Variants in PRDM5 observed in about 807,000 individuals in gnomAD.
PRDM5 encodes the protein PR/SET domain 5.
Under a neutral mutation model 81.2 loss-of-function variants are expected in PRDM5, and 56 were observed. The ratio of observed to expected loss-of-function variants is 0.69; its 90% CI spans 0.56 to 0.86. PRDM5 has a LOEUF of 0.86. Among genes scored for constraint, PRDM5 ranks in the 40% least tolerant of loss-of-function variants. The pLI, the probability that PRDM5 is intolerant of heterozygous loss-of-function variation, is 0.00. For missense variants in PRDM5, 697 were observed against 770.1 expected (o/e 0.91, Z 1.12); for synonymous variants, 267 against 256.4 (o/e 1.04, Z -0.39).
chr4:120,844,782 G>A (rs1283179400), intron 3 of PRDM5, among the ~76,000 whole-genome samples: 3 of 152,260 alleles, frequency 2.0e-5, no homozygotes, highest in African/African-American at 4.8e-5. Context: ...AGCTTATGAG[G>A]AAGGCATGTC....
intron 14 of PRDM5, among the ~76,000 whole-genome samples, chr4:120,729,970 G>C (rs1291903026): frequency 6.6e-6 from 1 of 152,094 alleles, no homozygotes; most frequent in Non-Finnish European, 1.5e-5. Context: ...GCAACAAGTT[G>C]TTATTGAACT....
At chr4:120,685,296 A>G (rs1170840459) in intron 1 of PRDM5, among the ~76,000 whole-genome samples, 1 of 152,134 alleles carries the variant, frequency 6.6e-6, no homozygotes, top group Non-Finnish European at 1.5e-5. Flanking sequence ...GTTTTAAGAT[A>G]AGAGCTGGAT....
intron 14 of PRDM5, among the ~76,000 whole-genome samples, chr4:120,743,309 C>A (rs970118001): frequency 6.6e-6 from 1 of 151,858 alleles, no homozygotes. Flanking sequence ...CAACCGGTAC[C>A]AGCCGCTGCA....
intron 2 of PRDM5, among the ~76,000 whole-genome samples, chr4:120,904,631 T>A (rs1765595615): frequency 6.6e-6 from 1 of 152,068 alleles, no homozygotes; most frequent in Admixed American, 6.6e-5. Flanking sequence ...AACAAAATAA[T>A]AATGCAAAGA....
At chr4:120,765,483 T>C (rs1561144142) in intron 13 of PRDM5, among the ~76,000 whole-genome samples, 1 of 152,172 alleles carries the variant, frequency 6.6e-6, no homozygotes, top group African/African-American at 2.4e-5. Flanking sequence ...TCACTGACCC[T>C]AAGAAGCTAT....
chr4:120,828,421 C>T (rs1020758521), intron 3 of PRDM5, among the ~76,000 whole-genome samples: 2 of 152,076 alleles, frequency 1.3e-5, no homozygotes, highest in Admixed American at 6.6e-5. Flanking sequence ...ATGTAAAGAT[C>T]CCACAAATAG....
chr4:120,885,134 C>CAAAAAAAAAAAAAAAAAAAAAAAAAAA (rs60623556), intron 2 of PRDM5, among the ~76,000 whole-genome samples: 2 of 50,708 alleles, frequency 3.9e-5, no homozygotes, highest in African/African-American at 6.8e-5. Flanking sequence ...GACTCCGTAT[C>CAAAAAAAAAAAAAAAAAAAAAAAAAAA]AAAAAAAAAA....
intron 3 of PRDM5, among the ~76,000 whole-genome samples, chr4:120,831,898 A>T (rs1756763875): frequency 6.6e-6 from 1 of 152,176 alleles, no homozygotes; most frequent in Non-Finnish European, 1.5e-5. Flanking sequence ...TTAACTTAAC[A>T]TGAATTGGTC....
chr4:120,840,575 C>T (rs988248873), intron 3 of PRDM5, among the ~76,000 whole-genome samples: 2 of 152,074 alleles, frequency 1.3e-5, no homozygotes, highest in African/African-American at 4.8e-5. Flanking sequence ...AGTGTGGCCC[C>T]AGCTCCGTGA....
At chr4:120,874,906 T>C (rs575644633) in intron 2 of PRDM5, among the ~76,000 whole-genome samples, 7 of 152,106 alleles carry the variant, frequency 4.6e-5, no homozygotes, top group Non-Finnish European at 1.0e-4. Flanking sequence ...CAGGAAGCAA[T>C]TGTAGCACCT....
At chr4:120,687,558 C>T (rs1488609921), downstream of PRDM5, among the ~76,000 whole-genome samples, 1 of 152,070 alleles carries the variant, frequency 6.6e-6, no homozygotes, top group Non-Finnish European at 1.5e-5. Context: ...ACATCTACCT[C>T]TTGATACTGT....
At chr4:120,689,486 G>A (rs988006844), downstream of PRDM5, among the ~76,000 whole-genome samples, 6 of 152,010 alleles carry the variant, frequency 3.9e-5, no homozygotes, top group African/African-American at 1.5e-4. Flanking sequence ...TTTTACTTAT[G>A]TGGTGAGCCT....
chr4:120,866,101 A>G (rs1484987687), intron 2 of PRDM5, among the ~76,000 whole-genome samples: 1 of 152,174 alleles, frequency 6.6e-6, no homozygotes, highest in Non-Finnish European at 1.5e-5. Flanking sequence ...CCTCATACCA[A>G]TGCTGTTTGC....
intron 2 of PRDM5, among the ~76,000 whole-genome samples, chr4:120,894,658 CAT>C: frequency 6.6e-6 from 1 of 152,142 alleles, no homozygotes; most frequent in East Asian, 1.9e-4. Context: ...ACAAAAGAAA[CAT>C]ATATGTATTT....
At chr4:120,853,355 A>C (rs893911132) in intron 3 of PRDM5, 63 bp downstream of exon 3, 2 of 1,605,512 alleles carry the variant, frequency 1.2e-6, no homozygotes, top group Non-Finnish European at 1.7e-6. Flanking sequence ...CAGGGAGTAC[A>C]GTCATATATT....
chr4:120,793,432 A>G (rs1750873604), intron 10 of PRDM5, among the ~76,000 whole-genome samples: 1 of 152,212 alleles, frequency 6.6e-6, no homozygotes. Context: ...TAATAGAAAT[A>G]AAGTGCATAA....
At chr4:120,826,650 A>AC (rs1756031848) in intron 3 of PRDM5, among the ~76,000 whole-genome samples, 2 of 152,298 alleles carry the variant, frequency 1.3e-5, no homozygotes, top group African/African-American at 4.8e-5. Context: ...TAAAAAGCTT[A>AC]CTCAGCTTTT....
At chr4:120,699,161 AATATATATATATATATATATATAT>A (rs70948358) in intron 15 of PRDM5, among the ~76,000 whole-genome samples, 20 of 73,482 alleles carry the variant, frequency 2.7e-4, no homozygotes, top group East Asian at 6.3e-4. Context: ...AGGAAATATA[AATATATATATATATATATATATAT>A]ATATATATAT....
At chr4:120,847,636 T>A (rs868584490) in intron 3 of PRDM5, among the ~76,000 whole-genome samples, 1 of 152,212 alleles carries the variant, frequency 6.6e-6, no homozygotes, top group Non-Finnish European at 1.5e-5. Context: ...TCATACTGCA[T>A]GTTTGTTATT....
Sources: gnomAD v4.1 joint callset for allele counts (sites outside exome capture counted in the v4.1 genomes callset) on GRCh38, gnomAD v4.1.1 for gene constraint, MANE v1.5 for transcripts, NCBI Gene and HGNC (gene_info 2026-07-23, HGNC 2026-07-21) for gene names.